Variants in ALG14 observed in about 807,000 individuals in gnomAD.
ALG14 encodes the protein ALG14 UDP-N-acetylglucosaminyltransferase subunit, also known as UDP-N-acetylglucosamine transferase subunit ALG14.
In ALG14, 17 loss-of-function variants were observed where a neutral mutation model predicts 22.8. The ratio of observed to expected loss-of-function variants is 0.75; its 90% confidence interval spans 0.51 to 1.12. ALG14 has a LOEUF of 1.12. Among genes scored for constraint, ALG14 ranks in the 50% most tolerant of loss-of-function variants. The pLI is 0.00. For missense variants in ALG14, 288 were observed against 271.8 expected (o/e 1.06, Z -0.42); for synonymous variants, 89 against 103.7 (o/e 0.86, Z 0.86).
chr1:95,005,405 A>C (rs1205674233), intron 3 of ALG14, among the ~76,000 whole-genome samples: 1 of 146,604 alleles, frequency 6.8e-6, no homozygotes, highest in Non-Finnish European at 1.5e-5. Context: ...TTTCTAAGCC[A>C]GAAACGAAAT....
At chr1:95,007,382 G>A (rs144002716) in intron 3 of ALG14, among the ~76,000 whole-genome samples, 3 of 152,310 alleles carry the variant, frequency 2.0e-5, no homozygotes, top group African/African-American at 7.2e-5. Flanking sequence ...CATGTCCCAA[G>A]TCATCTAACC....
intron 1 of ALG14, among the ~76,000 whole-genome samples, chr1:95,068,361 A>T (rs1460906528): frequency 1.3e-5 from 2 of 152,118 alleles, no homozygotes; most frequent in African/African-American, 2.4e-5. Flanking sequence ...ATCTCGGCTC[A>T]CGGCAACCTC....
intron 2 of ALG14, among the ~76,000 whole-genome samples, chr1:95,050,395 T>C (rs1674707147): frequency 6.6e-6 from 1 of 152,076 alleles, no homozygotes; most frequent in South Asian, 2.1e-4. Context: ...TTTACACAAA[T>C]GGTGCAGAAT....
At chr1:95,010,753 T>C (rs1673339156) in intron 3 of ALG14, among the ~76,000 whole-genome samples, 2 of 152,196 alleles carry the variant, frequency 1.3e-5, no homozygotes, top group East Asian at 3.9e-4. Context: ...GTATTACGGA[T>C]TTAGAAAATA....
chr1:95,005,591 T>C (rs1673194733), intron 3 of ALG14, among the ~76,000 whole-genome samples: 1 of 152,188 alleles, frequency 6.6e-6, no homozygotes, highest in Non-Finnish European at 1.5e-5. Context: ...TTTGAGATAC[T>C]TGGGAAGCAG....
chr1:95,008,869 T>C (rs530032725), intron 3 of ALG14, among the ~76,000 whole-genome samples: 3 of 152,294 alleles, frequency 2.0e-5, no homozygotes, highest in African/African-American at 7.2e-5. Flanking sequence ...CTGCTTTCTG[T>C]CTCTGTGAAT....
intron 3 of ALG14, among the ~76,000 whole-genome samples, chr1:95,026,622 A>G (rs1673827470): frequency 6.6e-6 from 1 of 151,882 alleles, no homozygotes; most frequent in Non-Finnish European, 1.5e-5. Context: ...AATTACAACA[A>G]TAACATCAAA....
intron 3 of ALG14, among the ~76,000 whole-genome samples, chr1:94,993,311 A>T (rs1672823368): frequency 6.8e-6 from 1 of 146,276 alleles, no homozygotes; most frequent in African/African-American, 2.5e-5. Context: ...GGCTCCTTCT[A>T]TCTTTATATA....
chr1:94,984,859 C>T (rs1372601760), intron 3 of ALG14, among the ~76,000 whole-genome samples: 2 of 152,226 alleles, frequency 1.3e-5, no homozygotes, highest in Non-Finnish European at 2.9e-5. Flanking sequence ...GCACTATGGC[C>T]AAGTACTGCA....
chr1:95,038,331 A>G (rs1674264487), intron 2 of ALG14, among the ~76,000 whole-genome samples: 1 of 152,178 alleles, frequency 6.6e-6, no homozygotes, highest in South Asian at 2.1e-4. Flanking sequence ...TCTACTAAAA[A>G]TACAAAAATT....
Position 94,983,260 on chromosome 1 carries a change from G to A in ALG14, c.467C>T (p.Ala156Val). ...PGTCVPICVS[A>V]LLLGILGIKK... is the part of the protein sequence containing the mutation. ...TATTCCTAGTATCCCAAGGAGAAGGGCAGATACACAGATAGGAACACATGT... is the reference window on the plus strand; with the variant it reads ...TATTCCTAGTATCCCAAGGAGAAGGACAGATACACAGATAGGAACACATGT... The change falls in exon 4 of 4, where the codon GCC (alanine) becomes GTC (valine). Residue 156 changes from alanine (A) to valine (V), a missense_variant. By Grantham distance (64) the Ala-to-Val change is moderately conservative. Transcript: ENST00000370205. 1 of 1,614,068 alleles carries A rather than the reference G, an allele frequency of 6.2e-7. No individual in the cohort carries two copies. Among genetic ancestry groups the A allele is most frequent in the Non-Finnish European group, 8.5e-7 (1 of 1,180,012 alleles).
rs1317715726 is a variant in ALG14, at chr1:94,979,812, AGAT to A, written c.*3261_*3263del. 6.6e-6 allele frequency: 1 copy of A among 152,186 alleles called. No individual in the cohort carries two copies. The highest frequency in any genetic ancestry group is 1.9e-4 in the East Asian group (1 of 5,194). 9.4% of individuals were successfully genotyped at this position (152,186 alleles called of 1,614,324 possible). ...GAGTGGGCAGCAGGAACACAGTTGTAGATGATTTGTTTTTAGAGTGCTAGAGGG... is the reference window on the plus strand; with the variant it reads ...GAGTGGGCAGCAGGAACACAGTTGTAGATTTGTTTTTAGAGTGCTAGAGGG... On this transcript the variant is annotated 3_prime_UTR_variant, in exon 4 of 4. Coordinates refer to ENST00000370205, the MANE Select transcript of ALG14 (RefSeq NM_144988.4).
intron 3 of ALG14, among the ~76,000 whole-genome samples, chr1:95,015,983 G>C (rs558167997): frequency 1.3e-5 from 2 of 152,316 alleles, no homozygotes; most frequent in East Asian, 3.9e-4. Context: ...AACCTACCAT[G>C]GGGGCTTCTT....
At chr1:95,064,031 C>T (rs1050822027) in intron 2 of ALG14, among the ~76,000 whole-genome samples, 12 of 152,046 alleles carry the variant, frequency 7.9e-5, no homozygotes, top group Non-Finnish European at 1.6e-4. Context: ...GTATTTTATT[C>T]TTTTTGCAGT....
intron 3 of ALG14, among the ~76,000 whole-genome samples, chr1:94,986,608 G>T (rs1298711994): frequency 2.0e-5 from 3 of 152,112 alleles, no homozygotes; most frequent in Non-Finnish European, 4.4e-5. Context: ...GAGTAGCTGG[G>T]ATTACAGGTA....
chr1:94,976,960 C>G lies in ALG14; in HGVS notation c.*6116G>C, dbSNP rs1474143041. ...CCACAAATCCTACAACTGCAAGGAA[C>G]TGAATTCTGCCAACAACCATCTGAA... On this transcript the variant is annotated 3_prime_UTR_variant, in exon 4 of 4. Coordinates refer to ENST00000370205, the MANE Select transcript of ALG14 (RefSeq NM_144988.4). The G allele has an allele frequency of 6.6e-6, 1 of 152,226 alleles. No individual in the cohort carries two copies. The highest frequency in any genetic ancestry group is 1.5e-5 in the Non-Finnish European group (1 of 68,056). 9.4% of individuals were successfully genotyped at this position (152,226 alleles called of 1,614,324 possible).
intron 3 of ALG14, among the ~76,000 whole-genome samples, chr1:94,999,904 A>G (rs1394183726): frequency 1.3e-5 from 2 of 152,132 alleles, no homozygotes; most frequent in Non-Finnish European, 2.9e-5. Flanking sequence ...TGCCTGGCGC[A>G]GGCCATCTCT....
intron 2 of ALG14, among the ~76,000 whole-genome samples, chr1:95,056,969 T>C (rs535792771): frequency 2.7e-4 from 40 of 150,834 alleles, no homozygotes; most frequent in South Asian, 1.3e-3. Context: ...GGCTGGAGAA[T>C]TGCTTGAACC....
At chr1:95,008,145 G>A (rs1232018937) in intron 3 of ALG14, among the ~76,000 whole-genome samples, 1 of 152,240 alleles carries the variant, frequency 6.6e-6, no homozygotes, top group East Asian at 1.9e-4. Flanking sequence ...AACAGAACAA[G>A]CTAACAAATG....
Sources: allele counts gnomAD v4.1 joint callset (sites outside exome capture counted in the v4.1 genomes callset), GRCh38; gene constraint gnomAD v4.1.1; transcripts MANE v1.5; gene names NCBI Gene and HGNC (gene_info 2026-07-23, HGNC 2026-07-21).